Variants in GABRB1 observed in about 807,000 individuals in gnomAD.
GABRB1 encodes the protein gamma-aminobutyric acid receptor subunit beta-1.
Under a neutral mutation model 51.6 loss-of-function variants are expected in GABRB1, and 17 were observed. That is an observed-to-expected ratio of 0.33 (90% confidence interval 0.23 to 0.49). The LOEUF (loss-of-function observed/expected upper bound fraction) is 0.49. Ranked by LOEUF, GABRB1 falls within the 20% of genes least tolerant of loss-of-function variation. The pLI, the probability that GABRB1 is intolerant of heterozygous loss-of-function variation, is 0.99. For synonymous variants in GABRB1, 247 were observed against 218.9 expected (o/e 1.13, Z -1.14); for missense variants, 410 against 600.6 (o/e 0.68, Z 3.32).
chr4:47,054,950 G>T (rs1376732125), intron 3 of GABRB1, among the ~76,000 whole-genome samples: 1 of 152,100 alleles, frequency 6.6e-6, no homozygotes, highest in African/African-American at 2.4e-5. Flanking sequence ...TAATATAAAG[G>T]TGACTTAGTT....
chr4:47,333,190 TTATTTATATATATATA>T (rs1343653688), intron 5 of GABRB1, among the ~76,000 whole-genome samples: 6,283 of 83,386 alleles, frequency 0.075, 245 homozygotes, highest in Non-Finnish European at 0.092. Context: ...AAAACCCATT[TTATTTATATATATATA>T]TATATATATA....
chr4:47,185,211 A>T (rs1329135649), intron 4 of GABRB1, among the ~76,000 whole-genome samples: 2 of 151,910 alleles, frequency 1.3e-5, no homozygotes, highest in Non-Finnish European at 2.9e-5. Flanking sequence ...ACAGTCTTTC[A>T]AACACAAAAG....
intron 3 of GABRB1, among the ~76,000 whole-genome samples, chr4:47,159,055 G>A (rs1717824862): frequency 6.6e-6 from 1 of 151,692 alleles, no homozygotes; most frequent in Non-Finnish European, 1.5e-5. Flanking sequence ...GGCCAGAGGA[G>A]CAGTTGAGGC....
At chr4:47,273,609 C>T (rs1400096595) in intron 4 of GABRB1, among the ~76,000 whole-genome samples, 2 of 151,978 alleles carry the variant, frequency 1.3e-5, no homozygotes, top group African/African-American at 4.8e-5. Context: ...CAAACTTAGG[C>T]TGGTCATGGG....
intron 4 of GABRB1, among the ~76,000 whole-genome samples, chr4:47,284,138 T>C (rs1723413169): frequency 6.6e-6 from 1 of 151,140 alleles, no homozygotes; most frequent in Non-Finnish European, 1.5e-5. Flanking sequence ...CCATTTTCCA[T>C]TTTCCATCAG....
At chr4:47,157,362 G>C (rs75905504) in intron 3 of GABRB1, among the ~76,000 whole-genome samples, 2,502 of 152,154 alleles carry the variant, frequency 0.016, 59 homozygotes, top group African/African-American at 0.058. Flanking sequence ...TAGAAAACTT[G>C]TTGTGTAAGA....
chr4:47,367,361 C>T (rs774188106), intron 5 of GABRB1, among the ~76,000 whole-genome samples: 2 of 152,176 alleles, frequency 1.3e-5, no homozygotes, highest in Non-Finnish European at 2.9e-5. Context: ...CTCACATCTC[C>T]ATTGGCAGAA....
intron 3 of GABRB1, among the ~76,000 whole-genome samples, chr4:47,152,922 C>T (rs1256780069): frequency 6.6e-6 from 1 of 151,986 alleles, no homozygotes; most frequent in Non-Finnish European, 1.5e-5. Flanking sequence ...TAGGCTAATG[C>T]AAGCACTTAT....
chr4:47,217,983 C>T (rs1433298668), intron 4 of GABRB1, among the ~76,000 whole-genome samples: 1 of 151,740 alleles, frequency 6.6e-6, no homozygotes, highest in Admixed American at 6.6e-5. Context: ...TCTTCATCCT[C>T]CCTCCCCGCT....
chr4:46,996,007 A>T (rs1288179330), intron 1 of GABRB1, among the ~76,000 whole-genome samples: 1 of 151,750 alleles, frequency 6.6e-6, no homozygotes, highest in African/African-American at 2.4e-5. Flanking sequence ...TATTACTTCA[A>T]GAAGATATAT....
chr4:47,357,668 C>T (rs1726637083), intron 5 of GABRB1, among the ~76,000 whole-genome samples: 1 of 152,190 alleles, frequency 6.6e-6, no homozygotes, highest in East Asian at 1.9e-4. Context: ...TGGGGTCCTC[C>T]TCTGGTACCC....
intron 5 of GABRB1, among the ~76,000 whole-genome samples, chr4:47,335,372 A>G (rs976592484): frequency 2.0e-5 from 3 of 152,102 alleles, no homozygotes; most frequent in African/African-American, 4.8e-5. Flanking sequence ...GAGGGAAGGT[A>G]TGTTACATAA....
intron 5 of GABRB1, among the ~76,000 whole-genome samples, chr4:47,347,584 A>G (rs1726147827): frequency 6.6e-6 from 1 of 152,170 alleles, no homozygotes; most frequent in South Asian, 2.1e-4. Flanking sequence ...GATTATGTTA[A>G]GTAATGCTGA....
chr4:47,324,727 CTCTTCTTGGCATG>C (rs1409690996), intron 5 of GABRB1, among the ~76,000 whole-genome samples: 1 of 152,196 alleles, frequency 6.6e-6, no homozygotes, highest in Non-Finnish European at 1.5e-5. Context: ...TGTACTAGCA[CTCTTCTTGGCATG>C]TCTGTTTTGA....
chr4:47,352,301 G>A (rs997554279), intron 5 of GABRB1, among the ~76,000 whole-genome samples: 8 of 152,228 alleles, frequency 5.3e-5, no homozygotes, highest in South Asian at 2.1e-4. Flanking sequence ...AAGAGTCCAG[G>A]ACCAGATGGA....
intron 3 of GABRB1, among the ~76,000 whole-genome samples, chr4:47,101,043 C>G (rs1160650979): frequency 6.6e-6 from 1 of 151,914 alleles, no homozygotes; most frequent in African/African-American, 2.4e-5. Context: ...ATGAACAATT[C>G]CATGTGCCAT....
rs199947272 is a variant in GABRB1 at position 47,039,509 on chromosome 4, A to AT, written c.240+7030dup. 9.1e-3 allele frequency among the ~76,000 whole-genome samples: 1,377 copies of AT among 152,020 alleles called. 18 individuals carry two copies. Among genetic ancestry groups the AT allele is most frequent in the African/African-American group, 0.03 (1,265 of 41,476 alleles). ...GAGGAATGTCTTTTTTGAAAAGCAT[A>AT]TTTTTGGAAGAAGAACTGTGGATTT... On this transcript the variant is annotated intron_variant, in intron 3 of 8. Coordinates refer to ENST00000295454, the MANE Select transcript of GABRB1 (RefSeq NM_000812.4).
intron 4 of GABRB1, among the ~76,000 whole-genome samples, chr4:47,243,806 AT>A (rs1234544403): frequency 2.0e-5 from 3 of 152,172 alleles, no homozygotes; most frequent in Non-Finnish European, 2.9e-5. Flanking sequence ...GGTTTTCTAA[AT>A]CTATAATCAT....
At chr4:47,082,949 G>A (rs1727911837) in intron 3 of GABRB1, among the ~76,000 whole-genome samples, 3 of 152,090 alleles carry the variant, frequency 2.0e-5, no homozygotes, top group Non-Finnish European at 2.9e-5. Flanking sequence ...TACCTTAATA[G>A]TATCTGTAAT....
Sources: gnomAD v4.1 joint callset for allele counts (sites outside exome capture counted in the v4.1 genomes callset) on GRCh38, gnomAD v4.1.1 for gene constraint, MANE v1.5 for transcripts, NCBI Gene and HGNC (gene_info 2026-07-23, HGNC 2026-07-21) for gene names.